Variants in TMC1 observed in about 807,000 individuals in gnomAD.
The protein encoded by TMC1 is transmembrane channel-like protein 1.
In TMC1, 84 loss-of-function variants were observed where a neutral mutation model predicts 105.8. That is an observed-to-expected ratio of 0.79 (90% CI 0.67 to 0.95). TMC1 has a LOEUF of 0.95. Ranked by LOEUF, TMC1 falls within the 40% of genes least tolerant of loss-of-function variation. The probability of loss-of-function intolerance (pLI) is 0.00; values close to 1 mark genes in which losing one functional copy is unlikely to be tolerated. For synonymous variants in TMC1, 315 were observed against 311.5 expected (o/e 1.01, Z -0.12); for missense variants, 817 against 914.1 (o/e 0.89, Z 1.37).
intron 8 of TMC1, among the ~76,000 whole-genome samples, chr9:72,716,684 C>A (rs1191963671): frequency 6.6e-6 from 1 of 152,188 alleles, no homozygotes; most frequent in Non-Finnish European, 1.5e-5. Flanking sequence ...GCCAGTGGAT[C>A]TTAGCTTGCT....
chr9:72,675,379 C>A (rs1306501943), intron 5 of TMC1, among the ~76,000 whole-genome samples: 1 of 152,100 alleles, frequency 6.6e-6, no homozygotes, highest in Non-Finnish European at 1.5e-5. Flanking sequence ...TTAGTGTAGT[C>A]TAGTCTTACT....
intron 3 of TMC1, among the ~76,000 whole-genome samples, chr9:72,618,481 C>T (rs1336230879): frequency 6.6e-6 from 1 of 152,048 alleles, no homozygotes. Flanking sequence ...ACCACACAGA[C>T]AGAAATTATT....
chr9:72,800,644 CT>C (rs796171527), intron 17 of TMC1, among the ~76,000 whole-genome samples: 2,028 of 142,536 alleles, frequency 0.014, 19 homozygotes, highest in Non-Finnish European at 0.02. Flanking sequence ...TGCTGCTTGT[CT>C]TTTTTTTTTT....
At chr9:72,714,680 C>G (rs1826890148) in intron 8 of TMC1, among the ~76,000 whole-genome samples, 1 of 152,068 alleles carries the variant, frequency 6.6e-6, no homozygotes. Flanking sequence ...AGATGGGTCT[C>G]CTGAATACAG....
At position 72,652,614 on chromosome 9, in the gene TMC1, C is replaced by T. The variant is rs767947138; in HGVS notation, c.16+3950C>T. On this transcript the variant is annotated intron_variant, in intron 5 of 23. Coordinates refer to ENST00000297784, the MANE Select transcript of TMC1 (RefSeq NM_138691.3). The stretch of plus-strand genomic sequence containing the variant: ...AAATAACCTGCAATGCGGACCAACC[C>T]GGGGAACGTCTGTAAAAATGATGAC... Among the ~76,000 whole-genome samples the T allele has an allele frequency of 3.9e-5, 6 of 152,072 alleles. No individual in the cohort carries two copies. In the East Asian group the frequency reaches 5.8e-4, roughly 15 times the overall value.
intron 5 of TMC1, among the ~76,000 whole-genome samples, chr9:72,683,890 T>G (rs1826335043): frequency 6.6e-6 from 1 of 150,996 alleles, no homozygotes; most frequent in African/African-American, 2.4e-5. Context: ...TTTTTTTACT[T>G]CTCTTTCTGT....
At chr9:72,591,791 A>T (rs1292751532) in intron 2 of TMC1, among the ~76,000 whole-genome samples, 3 of 152,104 alleles carry the variant, frequency 2.0e-5, no homozygotes, top group Non-Finnish European at 2.9e-5. Flanking sequence ...GCTGGTCTCA[A>T]ATTCCTGGGC....
intron 5 of TMC1, among the ~76,000 whole-genome samples, chr9:72,679,601 G>A (rs1203269446): frequency 6.6e-6 from 1 of 152,008 alleles, no homozygotes; most frequent in Non-Finnish European, 1.5e-5. Flanking sequence ...TTGGTGTCTG[G>A]TGAGAGCCTA....
At chr9:72,530,466 A>G (rs1000842782) in intron 1 of TMC1, among the ~76,000 whole-genome samples, 1 of 151,996 alleles carries the variant, frequency 6.6e-6, no homozygotes, top group Non-Finnish European at 1.5e-5. Context: ...GTGAGCCACC[A>G]GCAGTCCCAG....
chr9:72,588,038 C>A (rs976917502), intron 2 of TMC1, among the ~76,000 whole-genome samples: 10 of 152,208 alleles, frequency 6.6e-5, no homozygotes, highest in Admixed American at 1.3e-4. Flanking sequence ...ACCCATCCTC[C>A]TCAGCCTTCC....
rs114410746 is a variant in TMC1, at chr9:72,583,824, T to C, written c.-306+5801T>C. On this transcript the variant is annotated intron_variant, in intron 2 of 23. Transcript: ENST00000297784. ...TTACAAAATATGCCATTATAAAAAA[T>C]AACAGTATCTGTAGGCTGTCTGAAA... Among the ~76,000 whole-genome samples the C allele has an allele frequency of 4.3e-3, 655 of 151,474 alleles. 4 individuals are homozygous for C. The highest frequency in any genetic ancestry group is 0.014 in the African/African-American group (588 of 41,002).
intron 2 of TMC1, among the ~76,000 whole-genome samples, chr9:72,579,650 G>A (rs147500454): frequency 8.5e-5 from 13 of 152,190 alleles, no homozygotes; most frequent in Non-Finnish European, 1.5e-4. Flanking sequence ...TTGCTACTAC[G>A]TCCCAGGTGC....
chr9:72,783,105 C>A (rs935900293), intron 13 of TMC1, among the ~76,000 whole-genome samples: 2 of 152,120 alleles, frequency 1.3e-5, no homozygotes, highest in Non-Finnish European at 2.9e-5. Flanking sequence ...AAAACAGGCA[C>A]ATAGACCGTA....
intron 1 of TMC1, among the ~76,000 whole-genome samples, chr9:72,550,527 G>A (rs937149199): frequency 2.0e-5 from 3 of 149,876 alleles, no homozygotes; most frequent in African/African-American, 7.4e-5. Context: ...GCAAGCTGGC[G>A]GGCGCCTGTA....
At chr9:72,606,867 T>C (rs1824922945) in intron 2 of TMC1, among the ~76,000 whole-genome samples, 1 of 152,100 alleles carries the variant, frequency 6.6e-6, no homozygotes, top group African/African-American at 2.4e-5. Context: ...CTCTGTTCCC[T>C]AGTTTTCTCA....
At chr9:72,546,963 C>T (rs1336959828) in intron 1 of TMC1, among the ~76,000 whole-genome samples, 1 of 152,174 alleles carries the variant, frequency 6.6e-6, no homozygotes, top group East Asian at 1.9e-4. Context: ...TTACAATCTT[C>T]AGCATGGTCC....
intron 23 of TMC1, among the ~76,000 whole-genome samples, chr9:72,833,546 G>A (rs1829075250): frequency 6.6e-6 from 1 of 152,062 alleles, no homozygotes; most frequent in African/African-American, 2.4e-5. Flanking sequence ...TGGATACTGT[G>A]TTTTCCATTT....
At chr9:72,657,304 C>T (rs984869181) in intron 5 of TMC1, among the ~76,000 whole-genome samples, 1 of 152,202 alleles carries the variant, frequency 6.6e-6, no homozygotes, top group African/African-American at 2.4e-5. Context: ...TCATTTCCTT[C>T]CCTTTCAGAG....
At chr9:72,740,769 C>T (rs959903264) in intron 9 of TMC1, among the ~76,000 whole-genome samples, 1 of 152,092 alleles carries the variant, frequency 6.6e-6, no homozygotes, top group Non-Finnish European at 1.5e-5. Context: ...TTATTATCTC[C>T]TCTTTACAAA....
Sources: gnomAD v4.1 joint callset for allele counts (sites outside exome capture counted in the v4.1 genomes callset) on GRCh38, gnomAD v4.1.1 for gene constraint, MANE v1.5 for transcripts, NCBI Gene and HGNC (gene_info 2026-07-23, HGNC 2026-07-21) for gene names.